DNAJC17: variants seen among roughly 807,000 people sequenced by gnomAD.
DNAJC17 encodes the protein dnaJ homolog subfamily C member 17.
In DNAJC17, 35 loss-of-function variants were observed where a neutral mutation model predicts 48.1. The ratio of observed to expected loss-of-function variants is 0.73; its 90% CI spans 0.56 to 0.96. The LOEUF (loss-of-function observed/expected upper bound fraction) is 0.96, where lower values mean the gene tolerates loss of function less well. Among genes scored for constraint, DNAJC17 ranks in the 50% least tolerant of loss-of-function variants. DNAJC17 has a pLI of 0.00. For synonymous variants in DNAJC17, 117 were observed against 142.7 expected, an observed-to-expected ratio of 0.82 and a Z score of 1.28; for missense variants, 355 against 377.1, an observed-to-expected ratio of 0.94 and a Z score of 0.48.
In DNAJC17 at chr15:40,780,001, G is replaced by C. The variant is rs1889438484; in HGVS notation, c.79-4C>G. ...TCTGCCTATACGCCTTCTTTACCTG[G>C]AAGAGTCAGACAGAAGACATGGCCA... On this transcript the variant is annotated splice_polypyrimidine_tract_variant and splice_region_variant and intron_variant, in intron 1 of 10. Transcript: ENST00000220496. 1.2e-6 allele frequency: 2 copies of C among 1,613,832 alleles called. No individual in the cohort carries two copies. The highest frequency in any genetic ancestry group is 4.5e-5 in the East Asian group (2 of 44,882).
intron 10 of DNAJC17, among the ~76,000 whole-genome samples, 164 bp downstream of exon 10, chr15:40,773,563 A>G (rs1035007146): frequency 6.6e-6 from 1 of 152,140 alleles, no homozygotes; most frequent in Non-Finnish European, 1.5e-5. Flanking sequence ...AGAGAGGAAA[A>G]GGGTTCAACG....
intron 1 of DNAJC17, among the ~76,000 whole-genome samples, chr15:40,806,878 A>G (rs546683878): frequency 0.053 from 8,110 of 151,972 alleles, 459 homozygotes; most frequent in African/African-American, 0.15. Flanking sequence ...GTGGAAAAGA[A>G]AATAGAGACA....
chr15:40,788,884 TA>T (rs1180461713), intron 1 of DNAJC17, among the ~76,000 whole-genome samples: 1 of 151,896 alleles, frequency 6.6e-6, no homozygotes, highest in East Asian at 1.9e-4. Flanking sequence ...TAAATAAAAA[TA>T]AAAGAGAAGT....
chr15:40,782,027 A>T (rs1430230762), intron 1 of DNAJC17, among the ~76,000 whole-genome samples: 3 of 152,022 alleles, frequency 2.0e-5, no homozygotes, highest in Non-Finnish European at 4.4e-5. Context: ...AGTTCCAGCC[A>T]AGCCTGGGCA....
intron 4 of DNAJC17, among the ~76,000 whole-genome samples, chr15:40,778,498 G>A (rs976924892): frequency 6.6e-5 from 10 of 151,590 alleles, no homozygotes; most frequent in African/African-American, 2.2e-4. Flanking sequence ...TGATCCACCC[G>A]CCTCGGCCTC....
chr15:40,794,377 A>C (rs2141960452), intron 1 of DNAJC17, among the ~76,000 whole-genome samples: 1 of 146,300 alleles, frequency 6.8e-6, no homozygotes, highest in African/African-American at 2.5e-5. Context: ...CAAGAACAAA[A>C]CCTGTTACTT....
intron 1 of DNAJC17, among the ~76,000 whole-genome samples, chr15:40,794,019 C>G (rs1426757188): frequency 6.6e-6 from 1 of 152,134 alleles, no homozygotes; most frequent in South Asian, 2.1e-4. Flanking sequence ...TCCATCTATT[C>G]TCAACACATG....
chr15:40,800,121 G>A (rs891262610), intron 1 of DNAJC17, among the ~76,000 whole-genome samples: 2 of 152,152 alleles, frequency 1.3e-5, no homozygotes, highest in Admixed American at 1.3e-4. Flanking sequence ...CACCCAGCCT[G>A]GAGTGCAGTG....
intron 10 of DNAJC17, among the ~76,000 whole-genome samples, 178 bp downstream of exon 10, chr15:40,773,549 C>T (rs1192385510): frequency 6.6e-6 from 1 of 152,118 alleles, no homozygotes. Context: ...CCTCTCTGGC[C>T]CTCAGAGAGG....
chr15:40,773,603 G>A lies in DNAJC17; in HGVS notation c.792+124C>T. The A allele has an allele frequency of 7.1e-6, 5 of 707,990 alleles. No individual in the cohort carries two copies. In the South Asian group the frequency reaches 7.8e-5, roughly 11 times the overall value. The allele number at this position is 707,990 out of a possible 1,614,324, so 43.9% of individuals were successfully genotyped here. On this transcript the variant is annotated intron_variant, in intron 10 of 10. Transcript: ENST00000220496. The stretch of plus-strand genomic sequence containing the variant: ...ATCACAGCCCCTCTTGCCTGGGTTG[G>A]TGGACCTGCCAAGCTCACTCTAGGC...
chr15:40,791,643 G>A (rs989497247), intron 1 of DNAJC17, among the ~76,000 whole-genome samples: 3 of 152,044 alleles, frequency 2.0e-5, no homozygotes, highest in Admixed American at 6.6e-5. Flanking sequence ...TCAGGAGTTC[G>A]ACACTAGCCT....
chr15:40,780,752 T>A (rs995281455), intron 1 of DNAJC17, among the ~76,000 whole-genome samples: 3 of 151,058 alleles, frequency 2.0e-5, no homozygotes, highest in Admixed American at 1.3e-4. Flanking sequence ...AGGCGGAGGT[T>A]GCAGTGAGCC....
At chr15:40,771,412 G>A (rs1002555256) in intron 10 of DNAJC17, 1 of 260,792 alleles carries the variant, frequency 3.8e-6, no homozygotes, top group African/African-American at 2.2e-5. Flanking sequence ...GGGAGTGGGA[G>A]GACACAGACT....
intron 10 of DNAJC17, 87 bp from the exon 11 acceptor site, chr15:40,768,149 C>T (rs760943241): frequency 1.4e-6 from 2 of 1,437,206 alleles, no homozygotes; most frequent in South Asian, 3.0e-5. Flanking sequence ...GGCAGTGCTG[C>T]GTTCTAAGAG....
In DNAJC17 at chr15:40,776,538, T is replaced by C. The variant is rs1889328623; in HGVS notation, c.381+4A>G. 1 of 1,614,002 alleles carries C rather than the reference T, an allele frequency of 6.2e-7. No homozygotes were observed. The highest frequency in any genetic ancestry group is 2.2e-5 in the East Asian group (1 of 44,872). On this transcript the variant is annotated splice_donor_region_variant and intron_variant, in intron 5 of 10. Coordinates refer to ENST00000220496, the MANE Select transcript of DNAJC17 (RefSeq NM_018163.3). ...CCTTCTGGCCAGTGTGCCTGAGTGC[T>C]CACCTCTTGCTCTAGTGTCCTGGTG...
intron 1 of DNAJC17, among the ~76,000 whole-genome samples, chr15:40,783,440 C>T (rs1016364874): frequency 6.6e-6 from 1 of 152,192 alleles, no homozygotes; most frequent in Middle Eastern, 3.2e-3. Context: ...GTCCATGTCC[C>T]AGTATCTATG....
chr15:40,775,421 G>A, intron 7 of DNAJC17, 132 bp downstream of exon 7: 2 of 1,034,166 alleles, frequency 1.9e-6, no homozygotes, highest in Non-Finnish European at 2.9e-6. Flanking sequence ...CATGGAGGGA[G>A]GTGGTAATGG....
Position 40,770,177 on chromosome 15 carries a change from T to C in DNAJC17, c.793-2115A>G, listed in dbSNP as rs1329709008. ...TCTGCCTCCGCCGGAGCTGCCCTCA[T>C]TCTGGCTCCAGTAAGTGCTGCTTCT... On this transcript the variant is annotated intron_variant, in intron 10 of 10. Transcript: ENST00000220496. This position sits in a 1 kb window ranked among gnomAD's most constrained non-coding sequence, Gnocchi z 5.0. 1.4e-5 allele frequency: 4 copies of C among 284,936 alleles called. No homozygotes were observed. Among genetic ancestry groups the C allele is most frequent in the Non-Finnish European group, 6.6e-6 (1 of 151,374 alleles). 17.7% of individuals were successfully genotyped at this position (284,936 alleles called of 1,614,324 possible).
At chr15:40,793,104 A>G (rs1385066775) in intron 1 of DNAJC17, among the ~76,000 whole-genome samples, 1 of 151,978 alleles carries the variant, frequency 6.6e-6, no homozygotes, top group Non-Finnish European at 1.5e-5. Context: ...CATGTTAGCC[A>G]GGATGGTCTC....
Sources: allele counts gnomAD v4.1 joint callset (sites outside exome capture counted in the v4.1 genomes callset), GRCh38; gene constraint gnomAD v4.1.1; non-coding constraint Gnocchi (gnomAD v3.1); transcripts MANE v1.5; gene names NCBI Gene and HGNC (gene_info 2026-07-23, HGNC 2026-07-21).